The following DMTF1 variants were observed in gnomAD, a reference collection of about 807,000 sequenced individuals.
The protein encoded by DMTF1 is cyclin D binding myb like transcription factor 1.
A neutral mutation model predicts 91.1 loss-of-function variants in DMTF1; 39 were observed. The observed-to-expected ratio is 0.43, with a 90% CI of 0.33 to 0.56. DMTF1 has a LOEUF of 0.56. DMTF1 is among the 20% of genes least tolerant of loss of function. The pLI is 0.05. For synonymous variants in DMTF1, 338 were observed against 309.5 expected, an observed-to-expected ratio of 1.09 and a Z score of -0.97; for missense variants, 750 against 914.5, an observed-to-expected ratio of 0.82 and a Z score of 2.32.
At chr7:87,194,186 C>T in intron 16 of DMTF1, 84 bp downstream of exon 16, 7 of 1,449,320 alleles carry the variant, frequency 4.8e-6, no homozygotes, top group Non-Finnish European at 5.5e-6. Context: ...TCTGAAGACT[C>T]ATGAAATTAA....
In DMTF1 at chr7:87,195,285, A is replaced by G. The variant is rs1801020820; in HGVS notation, c.*145A>G. 7 of 605,324 alleles carry G rather than the reference A, an allele frequency of 1.2e-5. No individual in the cohort carries two copies. Among genetic ancestry groups the G allele is most frequent in the East Asian group, 8.4e-5 (3 of 35,658 alleles). The allele number at this position is 605,324 out of a possible 1,614,324, so 37.5% of individuals were successfully genotyped here. Reference sequence around the variant, plus strand: ...TTAAGCCACACACATTGTTGCTGCTATGACTTTTTACCTCCTTTAAACACA... The same window carrying G: ...TTAAGCCACACACATTGTTGCTGCTGTGACTTTTTACCTCCTTTAAACACA... On this transcript the variant is annotated 3_prime_UTR_variant, in exon 18 of 18. Transcript: ENST00000331242.
At chr7:87,182,392 C>G (rs1016587674) in intron 10 of DMTF1, 55 bp downstream of exon 10, 1 of 1,550,438 alleles carries the variant, frequency 6.4e-7, no homozygotes, top group African/African-American at 1.4e-5. Flanking sequence ...CCTCCTGCCC[C>G]TTAGGATACT....
rs1798037726 is a variant in DMTF1, at chr7:87,184,733, CT to C, written c.1049+111del. 1.8e-5 allele frequency: 16 copies of C among 903,696 alleles called. No homozygotes were observed. In the Admixed American group the frequency reaches 2.2e-4, roughly 12 times the overall value. The allele number at this position is 903,696 out of a possible 1,614,324, so 56.0% of individuals were successfully genotyped here. A position where few individuals can be genotyped will look rare whatever the true frequency, so the allele number is the denominator to read the frequency against. Reference sequence around the variant, plus strand: ...GGATGCCTAGTGTCTGAAAAGTATCCTTTCCATAGAGCACTACTGTTTAAGA... The same window carrying C: ...GGATGCCTAGTGTCTGAAAAGTATCCTTCCATAGAGCACTACTGTTTAAGA... On this transcript the variant is annotated intron_variant, in intron 11 of 17. Transcript: ENST00000331242.
chr7:87,157,905 C>G (rs541010240), intron 1 of DMTF1, among the ~76,000 whole-genome samples: 1 of 151,838 alleles, frequency 6.6e-6, no homozygotes, highest in Admixed American at 6.6e-5. Flanking sequence ...ATGTACAAAC[C>G]TGCAATTGTA....
chr7:87,164,696 G>C (rs533540874), intron 2 of DMTF1, among the ~76,000 whole-genome samples: 1 of 152,272 alleles, frequency 6.6e-6, no homozygotes, highest in Non-Finnish European at 1.5e-5. Flanking sequence ...TACAAATGTT[G>C]TAGGTTTTTA....
chr7:87,173,232 A>C (rs1404085004), intron 5 of DMTF1, among the ~76,000 whole-genome samples: 1 of 152,176 alleles, frequency 6.6e-6, no homozygotes, highest in Admixed American at 6.5e-5. Flanking sequence ...TAAATACTTA[A>C]TGGACTCTTG....
chr7:87,188,939 G>A (rs55848773), intron 13 of DMTF1, among the ~76,000 whole-genome samples: 3,683 of 152,240 alleles, frequency 0.024, 70 homozygotes, highest in East Asian at 0.065. Flanking sequence ...GAATGAGGAT[G>A]AAATTCTCAG....
At chr7:87,152,757 T>C (rs545072108) in intron 1 of DMTF1, 36 of 154,394 alleles carry the variant, frequency 2.3e-4, no homozygotes, top group Admixed American at 1.3e-3. Flanking sequence ...GCCTCCCTCT[T>C]AGGGCCGGGC....
chr7:87,194,038 T>G lies in DMTF1; in HGVS notation c.1964T>G (p.Ile655Ser). 3 of 1,612,530 alleles carry G rather than the reference T, an allele frequency of 1.9e-6. No individual in the cohort carries two copies. The South Asian group carries it at 3.3e-5, about 18-fold the overall frequency. ...GTTATGGTCAGAACAGAAGAAGAAA[T>G]CTCTGACACCGACCTTAAACAAGAG... is the stretch of plus-strand genomic sequence containing the variant. ...NSVMVRTEEE[I>S]SDTDLKQEES... Residue 655 changes from isoleucine to serine, a missense_variant, in exon 16 of 18, where the codon ATC becomes AGC. Ile to Ser is a moderately radical substitution (Grantham distance 142). This residue lies in a region of DMTF1 where 410 missense variants were observed against 420.2 expected (regional missense o/e 0.98). Coordinates refer to ENST00000331242, the MANE Select transcript of DMTF1 (RefSeq NM_001142327.2).
chr7:87,166,617 C>T lies in DMTF1; in HGVS notation c.232+12C>T, dbSNP rs201345988. ...TGTTGCACTTCCACGTAAGTCACTA[C>T]GTATTAAGAGCCATAGAGTTCCCTT... On this transcript the variant is annotated intron_variant, in intron 4 of 17. Transcript: ENST00000331242. 9.0e-6 allele frequency: 14 copies of T among 1,557,742 alleles called. No homozygotes were observed. Among genetic ancestry groups the T allele is most frequent in the South Asian group, 3.4e-5 (3 of 88,556 alleles).
intron 1 of DMTF1, among the ~76,000 whole-genome samples, chr7:87,155,730 TC>T (rs1304326748): frequency 6.7e-5 from 10 of 149,726 alleles, no homozygotes; most frequent in Non-Finnish European, 1.5e-4. Context: ...TGGTTGTGTC[TC>T]CCCCACCCCA....
At chr7:87,193,043 G>A in intron 14 of DMTF1, 155 bp from the exon 15 acceptor site, 3 of 684,560 alleles carry the variant, frequency 4.4e-6, no homozygotes, top group Non-Finnish European at 7.3e-6. Context: ...TTCAGGCTAG[G>A]TAATGACTTG....
chr7:87,195,985 T>G lies in DMTF1; in HGVS notation c.*845T>G, dbSNP rs1395750599. Reference sequence around the variant, plus strand: ...GTCATCCACTTAGTGTGTTAGCTGGTGGGGTACAATATAACCTCTCATCTC... The same window carrying G: ...GTCATCCACTTAGTGTGTTAGCTGGGGGGGTACAATATAACCTCTCATCTC... On this transcript the variant is annotated 3_prime_UTR_variant, in exon 18 of 18. Transcript: ENST00000331242. The G allele has an allele frequency of 6.6e-6, 1 of 152,236 alleles. No individual in the cohort carries two copies. Among genetic ancestry groups the G allele is most frequent in the African/African-American group, 2.4e-5 (1 of 41,382 alleles). 9.4% of individuals were successfully genotyped at this position (152,236 alleles called of 1,614,324 possible). A position where few individuals can be genotyped will look rare whatever the true frequency, so the allele number is the denominator to read the frequency against.
At chr7:87,170,457 G>A (rs1403899910) in intron 4 of DMTF1, among the ~76,000 whole-genome samples, 2 of 152,196 alleles carry the variant, frequency 1.3e-5, no homozygotes, top group African/African-American at 4.8e-5. Context: ...TGTTTAGTCT[G>A]CTTTAGCTAC....
intron 3 of DMTF1, among the ~76,000 whole-genome samples, chr7:87,165,771 G>A (rs1793684921): frequency 6.6e-6 from 1 of 152,076 alleles, no homozygotes; most frequent in Non-Finnish European, 1.5e-5. Context: ...TCATTACTTA[G>A]TGTCCAGATC....
intron 6 of DMTF1, among the ~76,000 whole-genome samples, chr7:87,174,086 G>A (rs1464791809): frequency 6.6e-6 from 1 of 152,134 alleles, no homozygotes; most frequent in Non-Finnish European, 1.5e-5. Context: ...TGAGGGTTGT[G>A]TCTGTGCCAC....
chr7:87,194,150 C>CAA (rs750914133), intron 16 of DMTF1, 48 bp downstream of exon 16: 22 of 1,507,576 alleles, frequency 1.5e-5, no homozygotes, highest in East Asian at 2.3e-5. Flanking sequence ...CCTTGAGCCT[C>CAA]AAACCTGCAG....
rs752175439 is a variant in DMTF1 at position 87,166,643 on chromosome 7, T to C, written c.232+38T>C. On this transcript the variant is annotated intron_variant, in intron 4 of 17. Transcript: ENST00000331242. ...GTATTAAGAGCCATAGAGTTCCCTT[T>C]TAAAATCAAAGTTTAGCTTCCAAGG... 11 of 1,598,450 alleles carry C rather than the reference T, an allele frequency of 6.9e-6. No homozygotes were observed. In the African/African-American group the frequency reaches 1.2e-4, roughly 18 times the overall value.
rs1300907353 is a variant in DMTF1 at position 87,196,153 on chromosome 7, A to AAAAAACCCTTGT, written c.*1015_*1026dup. ...TGACCCCTATAGAAAAGTCAAGAAA[A>AAAAAACCCTTGT]AAAAACCCTTGTATAAATTATTTTA... On this transcript the variant is annotated 3_prime_UTR_variant, in exon 18 of 18. Transcript: ENST00000331242. The AAAAAACCCTTGT allele has an allele frequency of 6.5e-6, 1 of 153,388 alleles. No homozygotes were observed. Among genetic ancestry groups the AAAAAACCCTTGT allele is most frequent in the African/African-American group, 2.4e-5 (1 of 41,456 alleles). 9.5% of individuals were successfully genotyped at this position (153,388 alleles called of 1,614,324 possible). A position where few individuals can be genotyped will look rare whatever the true frequency, so the allele number is the denominator to read the frequency against.
Sources: gnomAD v4.1 joint callset for allele counts (sites outside exome capture counted in the v4.1 genomes callset) on GRCh38, gnomAD v4.1.1 for gene constraint, gnomAD v4.1.1 regional missense constraint, MANE v1.5 for transcripts, NCBI Gene and HGNC (gene_info 2026-07-23, HGNC 2026-07-21) for gene names.